Variants in PPP1R21 observed in about 807,000 individuals in gnomAD.
PPP1R21 encodes protein phosphatase 1 regulatory subunit 21.
PPP1R21 carries 85 observed loss-of-function variants against 112.8 expected under a neutral mutation model. The observed-to-expected ratio is 0.75, with a 90% confidence interval of 0.63 to 0.90. PPP1R21 has a LOEUF of 0.90. Ranked by LOEUF, PPP1R21 falls within the 40% of genes least tolerant of loss-of-function variation. PPP1R21 has a pLI of 0.00. For synonymous variants in PPP1R21, 381 were observed against 322.3 expected (o/e 1.18, Z -1.95); for missense variants, 1,199 against 901.5 (o/e 1.33, Z -4.23).
intron 17 of PPP1R21, among the ~76,000 whole-genome samples, chr2:48,502,950 G>T (rs1195167980): frequency 5.3e-5 from 8 of 152,008 alleles, no homozygotes; most frequent in African/African-American, 1.9e-4. Context: ...AAAGTGCTGG[G>T]ATTACAGGTG....
At chr2:48,505,286 C>T (rs1351530969) in intron 17 of PPP1R21, among the ~76,000 whole-genome samples, 1 of 152,214 alleles carries the variant, frequency 6.6e-6, no homozygotes, top group Non-Finnish European at 1.5e-5. Flanking sequence ...CTTCTCTTCT[C>T]TCCTAGATGA....
chr2:48,485,813 C>G (rs1019778501), intron 13 of PPP1R21, among the ~76,000 whole-genome samples: 5 of 149,912 alleles, frequency 3.3e-5, no homozygotes, highest in African/African-American at 9.7e-5. Flanking sequence ...TACAGAATTG[C>G]TATAAAAATT....
At chr2:48,492,586 T>A (rs1438875884) in intron 15 of PPP1R21, among the ~76,000 whole-genome samples, 1 of 152,262 alleles carries the variant, frequency 6.6e-6, no homozygotes, top group African/African-American at 2.4e-5. Flanking sequence ...ATGGATAGCC[T>A]TGTAAATGTT....
In PPP1R21 at chr2:48,448,794, G is replaced by A. The variant is rs1039948625; in HGVS notation, c.58-2214G>A. On this transcript the variant is annotated intron_variant, in intron 1 of 21. Coordinates refer to ENST00000294952, the MANE Select transcript of PPP1R21 (RefSeq NM_001135629.3). The stretch of plus-strand genomic sequence containing the variant: ...TATTTCTCTCTTTTGAACTTCTAGA[G>A]CAGAGTTTACCAAGCTCTGTAAGAG... Among the ~76,000 whole-genome samples, 48 of 152,306 alleles carry A rather than the reference G, an allele frequency of 3.2e-4. 1 individual carries two copies. The highest frequency in any genetic ancestry group is 1.2e-3 in the African/African-American group (48 of 41,552).
intron 17 of PPP1R21, among the ~76,000 whole-genome samples, chr2:48,501,624 A>G (rs566253154): frequency 6.6e-6 from 1 of 152,266 alleles, no homozygotes; most frequent in East Asian, 1.9e-4. Flanking sequence ...TGTCTGATCC[A>G]TGTCAGAAAA....
intron 13 of PPP1R21, among the ~76,000 whole-genome samples, chr2:48,484,265 T>G (rs1011977662): frequency 1.3e-5 from 2 of 152,222 alleles, no homozygotes; most frequent in Non-Finnish European, 2.9e-5. Flanking sequence ...CTTCCTTCTT[T>G]GATTTCTTGG....
intron 15 of PPP1R21, among the ~76,000 whole-genome samples, chr2:48,495,238 C>T (rs767378144): frequency 3.3e-5 from 5 of 151,952 alleles, no homozygotes; most frequent in Non-Finnish European, 5.9e-5. Context: ...GAGTCTCGCT[C>T]TGTTGTCCAG....
chr2:48,474,751 A>G lies in PPP1R21; in HGVS notation c.1157A>G (p.Gln386Arg). ...ALRARNLELS[Q>R]DMKKMTAVFE... ...AGAGCCAGGAATCTAGAGCTGTCCC[A>G]GGACATGAAAAAAATGACAGCTGTG... Residue 386 changes from glutamine (Q) to arginine (R), a missense_variant, in exon 12 of 22, where the codon CAG (glutamine) becomes CGG (arginine). Physicochemically the swap from Gln to Arg is conservative, Grantham distance 43. Transcript: ENST00000294952. 2 of 1,613,438 alleles carry G rather than the reference A, an allele frequency of 1.2e-6. No homozygotes were observed. The highest frequency in any genetic ancestry group is 2.2e-5 in the South Asian group (2 of 90,962).
At chr2:48,460,569 C>G (rs556818154) in intron 6 of PPP1R21, among the ~76,000 whole-genome samples, 1 of 152,240 alleles carries the variant, frequency 6.6e-6, no homozygotes, top group South Asian at 2.1e-4. Context: ...AATCAAAATA[C>G]TAGTAATGCA....
intron 7 of PPP1R21, among the ~76,000 whole-genome samples, 185 bp downstream of exon 7, chr2:48,461,417 A>T (rs995385557): frequency 6.6e-6 from 1 of 152,212 alleles, no homozygotes; most frequent in Admixed American, 6.5e-5. Flanking sequence ...AAATTGTCAT[A>T]TAACTACTCC....
chr2:48,443,069 G>A (rs1338499640), intron 1 of PPP1R21, among the ~76,000 whole-genome samples: 2 of 152,202 alleles, frequency 1.3e-5, no homozygotes, highest in Non-Finnish European at 2.9e-5. Context: ...CTATAGAGTA[G>A]GGGCTAGATT....
At chr2:48,484,125 C>T (rs898929265) in intron 13 of PPP1R21, among the ~76,000 whole-genome samples, 1 of 152,210 alleles carries the variant, frequency 6.6e-6, no homozygotes, top group African/African-American at 2.4e-5. Context: ...CATACTTTTT[C>T]CCCAAGATAT....
In PPP1R21 at chr2:48,511,455, A is replaced by G; in HGVS notation, c.2300A>G (p.Lys767Arg). ...CAGAGAGAAGAGATTGACACACTAA[A>G]GATGTCCAGTAAGGTATGTGAGGTG... The part of the protein sequence containing the change: ...SKQREEIDTL[K>R]MSSKGNSKKN... The change falls in exon 21 of 22, where the codon AAG becomes AGG. Residue 767 changes from lysine (K) to arginine (R), a missense_variant. Transcript: ENST00000294952. The G allele has an allele frequency of 1.2e-6, 2 of 1,613,960 alleles. No homozygotes were observed. Among genetic ancestry groups the G allele is most frequent in the Non-Finnish European group, 1.7e-6 (2 of 1,179,954 alleles).
intron 15 of PPP1R21, among the ~76,000 whole-genome samples, chr2:48,491,723 A>G (rs770905171): frequency 3.3e-5 from 5 of 152,144 alleles, no homozygotes; most frequent in Non-Finnish European, 5.9e-5. Flanking sequence ...AAAAAGCAGA[A>G]TGTATTTAGG....
In PPP1R21 at chr2:48,510,089, C is replaced by T; in HGVS notation, c.2160C>T (p.Ala720=). The T allele has an allele frequency of 6.2e-7, 1 of 1,613,918 alleles. No individual in the cohort carries two copies. The highest frequency in any genetic ancestry group is 8.5e-7 in the Non-Finnish European group (1 of 1,179,860). ...CATTGACAGAAGAAATGAAACTTGC[C>T]AGTCAGAACATCAGCAGACTTCAGG... ...KEALTEEMKL[A]SQNISRLQDE... The change falls in exon 20 of 22, where the codon GCC becomes GCT. Residue 720 remains alanine (A), a synonymous_variant. Transcript: ENST00000294952.
chr2:48,475,580 G>C (rs975170719), intron 12 of PPP1R21, among the ~76,000 whole-genome samples: 2 of 151,858 alleles, frequency 1.3e-5, no homozygotes, highest in Admixed American at 6.6e-5. Context: ...GGGCGCGGTG[G>C]CTCATGCCTG....
At chr2:48,467,332 C>T (rs930430657) in intron 9 of PPP1R21, among the ~76,000 whole-genome samples, 2 of 151,996 alleles carry the variant, frequency 1.3e-5, no homozygotes, top group South Asian at 2.1e-4. Context: ...TTCATTTAAC[C>T]GAAAAGGATA....
intron 9 of PPP1R21, among the ~76,000 whole-genome samples, chr2:48,470,253 C>T (rs1668440169): frequency 6.6e-6 from 1 of 152,120 alleles, no homozygotes; most frequent in South Asian, 2.1e-4. Context: ...CATGTTGGCT[C>T]ACACCTGTAA....
chr2:48,507,477 G>A, intron 19 of PPP1R21, 92 bp downstream of exon 19: 1 of 1,518,068 alleles, frequency 6.6e-7, no homozygotes, highest in Non-Finnish European at 8.7e-7. Context: ...CACTGTAAGA[G>A]AGAAGTCAGT....
Sources: allele counts gnomAD v4.1 joint callset (sites outside exome capture counted in the v4.1 genomes callset), GRCh38; gene constraint gnomAD v4.1.1; transcripts MANE v1.5; gene names NCBI Gene and HGNC (gene_info 2026-07-23, HGNC 2026-07-21).